CDC14A: variants seen among roughly 807,000 people sequenced by gnomAD.
CDC14A encodes the protein dual specificity protein phosphatase CDC14A.
Under a neutral mutation model 74.4 loss-of-function variants are expected in CDC14A, and 53 were observed. That is an observed-to-expected ratio of 0.71 (90% CI 0.57 to 0.89). The LOEUF (loss-of-function observed/expected upper bound fraction) is 0.89. Among genes scored for constraint, CDC14A ranks in the 40% least tolerant of loss-of-function variants. The probability of loss-of-function intolerance (pLI) is 0.00; values close to 1 mark genes in which losing one functional copy is unlikely to be tolerated. For synonymous variants in CDC14A, 247 were observed against 258.4 expected, an observed-to-expected ratio of 0.96 and a Z score of 0.43; for missense variants, 646 against 713.7, an observed-to-expected ratio of 0.91 and a Z score of 1.08.
chr1:100,449,494 C>T (rs1401195893), intron 7 of CDC14A, among the ~76,000 whole-genome samples: 3 of 152,188 alleles, frequency 2.0e-5, no homozygotes, highest in Non-Finnish European at 2.9e-5. Flanking sequence ...CCCAAATCCA[C>T]GCAGCTTACC....
At chr1:100,409,282 C>T (rs1269389590) in intron 4 of CDC14A, among the ~76,000 whole-genome samples, 2 of 152,160 alleles carry the variant, frequency 1.3e-5, no homozygotes. Context: ...TCGGGTCCCT[C>T]CCATAACATG....
intron 3 of CDC14A, among the ~76,000 whole-genome samples, chr1:100,381,012 G>T (rs1283091371): frequency 6.6e-6 from 1 of 152,138 alleles, no homozygotes; most frequent in Non-Finnish European, 1.5e-5. Context: ...GTGCAGATCT[G>T]TATCGTTGAT....
intron 4 of CDC14A, among the ~76,000 whole-genome samples, chr1:100,410,183 G>C (rs1284434004): frequency 2.0e-5 from 3 of 150,798 alleles, no homozygotes; most frequent in Non-Finnish European, 4.4e-5. Context: ...CTGCACTCCA[G>C]CCTGGGTGAC....
At chr1:100,473,347 C>T (rs1648884558) in intron 10 of CDC14A, among the ~76,000 whole-genome samples, 1 of 151,734 alleles carries the variant, frequency 6.6e-6, no homozygotes, top group South Asian at 2.1e-4. Flanking sequence ...TCCATATGTT[C>T]ATTGCTGGTA....
chr1:100,432,262 AT>A (rs1218783857), intron 5 of CDC14A, among the ~76,000 whole-genome samples: 1 of 152,170 alleles, frequency 6.6e-6, no homozygotes, highest in Non-Finnish European at 1.5e-5. Flanking sequence ...TCTTTCTTTT[AT>A]TGTAGCTGGT....
intron 4 of CDC14A, among the ~76,000 whole-genome samples, chr1:100,418,993 T>A (rs1171999068): frequency 6.6e-6 from 1 of 152,084 alleles, no homozygotes; most frequent in African/African-American, 2.4e-5. Context: ...GAGACCAGCC[T>A]GGCCAACATG....
chr1:100,513,569 T>G (rs1255554401), intron 15 of CDC14A, among the ~76,000 whole-genome samples: 3 of 152,194 alleles, frequency 2.0e-5, no homozygotes, highest in Non-Finnish European at 4.4e-5. Flanking sequence ...ATCGTTACAT[T>G]CATTTGCTGT....
intron 2 of CDC14A, among the ~76,000 whole-genome samples, chr1:100,360,348 C>CTT (rs60630066): frequency 2.0e-4 from 29 of 144,780 alleles, no homozygotes; most frequent in Admixed American, 6.2e-4. Context: ...ATAGTTAGTT[C>CTT]TTTTTTTTTT....
chr1:100,425,931 C>CTGTAGTAAA (rs767353948), intron 5 of CDC14A, among the ~76,000 whole-genome samples: 15 of 152,142 alleles, frequency 9.9e-5, no homozygotes, highest in Admixed American at 5.2e-4. Flanking sequence ...TTCTTGCTGT[C>CTGTAGTAAA]TGTAGTAAAT....
intron 4 of CDC14A, among the ~76,000 whole-genome samples, chr1:100,417,451 G>C (rs1423742687): frequency 1.3e-5 from 2 of 152,172 alleles, no homozygotes; most frequent in East Asian, 1.9e-4. Flanking sequence ...TTTGTGCTCT[G>C]TTCCACCTCC....
intron 5 of CDC14A, among the ~76,000 whole-genome samples, chr1:100,435,438 AAGT>A (rs1664207436): frequency 6.6e-6 from 1 of 152,158 alleles, no homozygotes; most frequent in Non-Finnish European, 1.5e-5. Flanking sequence ...AATGAGTCCA[AAGT>A]TTCTTTTTGG....
intron 3 of CDC14A, among the ~76,000 whole-genome samples, chr1:100,386,019 T>A (rs1656807224): frequency 6.6e-6 from 1 of 151,788 alleles, no homozygotes; most frequent in Admixed American, 6.6e-5. Flanking sequence ...ATACAAAAAT[T>A]AGCCAGGCGT....
In CDC14A at chr1:100,390,782, A is replaced by G. The variant is rs771875274; in HGVS notation, c.267A>G (p.Gln89=). ...KKIVHYTCFD[Q]RKRANAAFLI... Reference sequence around the variant, plus strand: ...TAGTGCACTACACCTGTTTTGACCAACGGAAAAGAGCAAATGCAGCATTTT... The same window carrying G: ...TAGTGCACTACACCTGTTTTGACCAGCGGAAAAGAGCAAATGCAGCATTTT... The change falls in exon 4 of 16, where the codon CAA becomes CAG. Residue 89 remains glutamine, a synonymous_variant. Coordinates refer to ENST00000336454, the MANE Select transcript of CDC14A (RefSeq NM_003672.4). 6.2e-6 allele frequency: 10 copies of G among 1,613,400 alleles called. No homozygotes were observed. In the Admixed American group the frequency reaches 1.5e-4, roughly 24 times the overall value.
chr1:100,498,880 T>C (rs767131059), intron 14 of CDC14A, 49 bp from the exon 15 acceptor site: 2 of 1,561,858 alleles, frequency 1.3e-6, no homozygotes, highest in African/African-American at 1.4e-5. Context: ...TCTGTGTGAT[T>C]GTACATTGTT....
intron 11 of CDC14A, among the ~76,000 whole-genome samples, chr1:100,486,581 G>A (rs1670035304): frequency 6.6e-6 from 1 of 152,202 alleles, no homozygotes; most frequent in Admixed American, 6.5e-5. Context: ...TTCATAGACA[G>A]CACCTTCTGC....
chr1:100,459,171 G>A (rs929512202), intron 8 of CDC14A, among the ~76,000 whole-genome samples: 4 of 146,762 alleles, frequency 2.7e-5, no homozygotes, highest in African/African-American at 1.0e-4. Flanking sequence ...TGAGAATCCC[G>A]ACCATTTGAG....
At chr1:100,455,517 C>T (rs1237139769) in intron 8 of CDC14A, 25 bp downstream of exon 8, 5 of 1,256,134 alleles carry the variant, frequency 4.0e-6, no homozygotes, top group Non-Finnish European at 5.7e-6. Flanking sequence ...CCTTTACCAT[C>T]CAAACATTTA....
chr1:100,402,355 T>C (rs1383813630), intron 4 of CDC14A, among the ~76,000 whole-genome samples: 2 of 152,202 alleles, frequency 1.3e-5, no homozygotes, highest in African/African-American at 4.8e-5. Flanking sequence ...GTATTCCCCA[T>C]GCAGAGCTAC....
At chr1:100,504,448 A>G (rs1383201943) in intron 15 of CDC14A, among the ~76,000 whole-genome samples, 1 of 152,150 alleles carries the variant, frequency 6.6e-6, no homozygotes, top group East Asian at 1.9e-4. Context: ...AGGGTTGGCA[A>G]ACTTTTTCTG....
Sources: gnomAD v4.1 joint callset for allele counts (sites outside exome capture counted in the v4.1 genomes callset) on GRCh38, gnomAD v4.1.1 for gene constraint, MANE v1.5 for transcripts, NCBI Gene and HGNC (gene_info 2026-07-23, HGNC 2026-07-21) for gene names.